Variants in TMEM127 observed in about 807,000 individuals in gnomAD.
The protein encoded by TMEM127 is transmembrane protein 127.
TMEM127 carries 21 observed loss-of-function variants against 20.1 expected under a neutral mutation model. That is an observed-to-expected ratio of 1.04 (90% CI 0.74 to 1.50). The LOEUF (loss-of-function observed/expected upper bound fraction) is 1.50. Among genes scored for constraint, TMEM127 ranks in the 40% most tolerant of loss-of-function variants. TMEM127 has a pLI of 0.00. For synonymous variants in TMEM127, 150 were observed against 144.7 expected, an observed-to-expected ratio of 1.04 and a Z score of -0.26; for missense variants, 303 against 317.4, an observed-to-expected ratio of 0.95 and a Z score of 0.34.
At chr2:96,258,824 T>G (rs1684259434) in intron 2 of TMEM127, among the ~76,000 whole-genome samples, 1 of 152,208 alleles carries the variant, frequency 6.6e-6, no homozygotes, top group Admixed American at 6.5e-5. Context: ...AGTGTTCTTA[T>G]AGTGCTTCCA....
At position 96,249,112 on chromosome 2, in the gene TMEM127, G is replaced by GTGTGTGTT. The variant is rs1684035663; in HGVS notation, c.*4695_*4696insAACACACA. Reference sequence around the variant, plus strand: ...GTGTGGTGTGTGTGTGTGTGTGTGTGTGTGTTTGAGATGGAGTCTCACTCT... The same window carrying GTGTGTGTT: ...GTGTGGTGTGTGTGTGTGTGTGTGTGTGTGTGTTTGTGTTTGAGATGGAGTCTCACTCT... On this transcript the variant is annotated 3_prime_UTR_variant, in exon 4 of 4. Transcript: ENST00000258439. The GTGTGTGTT allele has an allele frequency of 8.6e-6, 2 of 231,756 alleles. No individual in the cohort carries two copies. The highest frequency in any genetic ancestry group is 1.8e-4 in the South Asian group (1 of 5,514). 14.4% of individuals were successfully genotyped at this position (231,756 alleles called of 1,614,324 possible).
At chr2:96,265,685 G>C (rs1684407929) in intron 1 of TMEM127, among the ~76,000 whole-genome samples, 173 bp from the exon 2 acceptor site, 1 of 152,148 alleles carries the variant, frequency 6.6e-6, no homozygotes, top group South Asian at 2.1e-4. Context: ...GTGGGGGGCG[G>C]AGGGATCGGG....
At chr2:96,258,913 C>T (rs1371485010) in intron 2 of TMEM127, among the ~76,000 whole-genome samples, 2 of 152,136 alleles carry the variant, frequency 1.3e-5, no homozygotes, top group Non-Finnish European at 1.5e-5. Flanking sequence ...TGAGGCCAGG[C>T]AGTTGGAGTA....
At chr2:96,263,779 C>T (rs1197669695) in intron 2 of TMEM127, among the ~76,000 whole-genome samples, 3 of 152,044 alleles carry the variant, frequency 2.0e-5, no homozygotes, top group Admixed American at 6.5e-5. Flanking sequence ...TGCTAGATTT[C>T]GGAGATCTAG....
At chr2:96,264,723 T>C (rs377087641) in intron 2 of TMEM127, among the ~76,000 whole-genome samples, 1 of 152,230 alleles carries the variant, frequency 6.6e-6, no homozygotes, top group Non-Finnish European at 1.5e-5. Flanking sequence ...CCGATTACCA[T>C]AGAACTCTAA....
chr2:96,254,802 C>T (rs2104286704), intron 3 of TMEM127, 31 bp downstream of exon 3: 1 of 1,613,558 alleles, frequency 6.2e-7, no homozygotes. Context: ...GTAGCAGTTC[C>T]TCTCCCACTG....
intron 2 of TMEM127, among the ~76,000 whole-genome samples, chr2:96,259,214 G>T (rs1322459200): frequency 6.6e-6 from 1 of 152,228 alleles, no homozygotes; most frequent in Admixed American, 6.5e-5. Flanking sequence ...CACACAGATG[G>T]GTGAAGTGCC....
At position 96,253,822 on chromosome 2, in the gene TMEM127, C is replaced by T. The variant is rs756910411; in HGVS notation, c.703G>A (p.Ala235Thr). ...CAGGGCTGGCATTAGGGTGTGTAAG[C>T]AGGGGGTGGCTGGAACTGGTTGATG... The part of the protein sequence containing the change: ...EVINQFQPPP[A>T]YTP The change falls in exon 4 of 4, where the codon GCT becomes ACT. Residue 235 changes from alanine (A) to threonine (T), a missense_variant. Transcript: ENST00000258439. This position sits in a 1 kb window ranked among gnomAD's most constrained non-coding sequence, Gnocchi z 4.3. The T allele has an allele frequency of 6.2e-7, 1 of 1,610,348 alleles. No homozygotes were observed. Among genetic ancestry groups the T allele is most frequent in the African/African-American group, 1.3e-5 (1 of 74,820 alleles).
rs1187661049 is a variant in TMEM127 at position 96,265,194 on chromosome 2, C to A, written c.188G>T (p.Arg63Leu). Reference protein sequence around the residue: ...WLHIHGGTCSRQELGVSDVLG... With the variant: ...WLHIHGGTCSLQELGVSDVLG... ...CACGTCGGAGACCCCCAGCTCCTGG[C>A]GCGAACAGGTGCCTCCGTGGATGTG... The change falls in exon 2 of 4, where the codon CGC becomes CTC. Residue 63 changes from arginine to leucine, a missense_variant. Transcript: ENST00000258439. 1.2e-6 allele frequency: 2 copies of A among 1,609,060 alleles called. No homozygotes were observed. Among genetic ancestry groups the A allele is most frequent in the Non-Finnish European group, 1.7e-6 (2 of 1,178,870 alleles).
chr2:96,250,608 CAA>C lies in TMEM127; in HGVS notation c.*3198_*3199del, dbSNP rs958123904. 14 of 233,010 alleles carry C rather than the reference CAA, an allele frequency of 6.0e-5. No homozygotes were observed. The highest frequency in any genetic ancestry group is 2.9e-4 in the African/African-American group (13 of 45,456). The allele number at this position is 233,010 out of a possible 1,614,324, so 14.4% of individuals were successfully genotyped here. A position where few individuals can be genotyped will look rare whatever the true frequency, so the allele number is the denominator to read the frequency against. On this transcript the variant is annotated 3_prime_UTR_variant, in exon 4 of 4. Transcript: ENST00000258439. ...AGATGTGTATTCTCCCTAACAACAA[CAA>C]AAGAGACCTAAATGGGCTGCTCCCT...
Position 96,265,480 on chromosome 2 carries a change from T to A in TMEM127, c.-99A>T. Reference sequence around the variant, plus strand: ...ACAGTCCGGTGGAGGATAGCAACGCTCCGGGTTCGCTGCAGGTGAAGCCGG... The same window carrying A: ...ACAGTCCGGTGGAGGATAGCAACGCACCGGGTTCGCTGCAGGTGAAGCCGG... On this transcript the variant is annotated 5_prime_UTR_variant, in exon 2 of 4. Transcript: ENST00000258439. 1 of 1,266,452 alleles carries A rather than the reference T, an allele frequency of 7.9e-7. No homozygotes were observed. Among genetic ancestry groups the A allele is most frequent in the Non-Finnish European group, 9.9e-7 (1 of 1,008,526 alleles). 78.5% of individuals were successfully genotyped at this position (1,266,452 alleles called of 1,614,324 possible).
At chr2:96,257,898 G>C (rs1278159473) in intron 2 of TMEM127, among the ~76,000 whole-genome samples, 4 of 149,508 alleles carry the variant, frequency 2.7e-5, no homozygotes, top group Non-Finnish European at 3.0e-5. Context: ...CTTGGTGACA[G>C]AGTGACTCCG....
chr2:96,260,211 C>T (rs185393635), intron 2 of TMEM127, among the ~76,000 whole-genome samples: 5 of 152,298 alleles, frequency 3.3e-5, no homozygotes, highest in South Asian at 2.1e-4. Context: ...CAGAGCACAC[C>T]GGAAGAACAG....
intron 2 of TMEM127, among the ~76,000 whole-genome samples, chr2:96,264,660 C>T (rs562246657): frequency 6.6e-6 from 1 of 152,344 alleles, no homozygotes; most frequent in Admixed American, 6.5e-5. Flanking sequence ...GGCAATGGAA[C>T]GGTCTTCCGA....
chr2:96,265,435 C>A lies in TMEM127; in HGVS notation c.-54G>T. ...GTCGCTGCTGGTCGCCGCCGACCTC[C>A]GCGGGGCGCGCAGAGCCTGACAGTC... On this transcript the variant is annotated 5_prime_UTR_variant, in exon 2 of 4. Coordinates refer to ENST00000258439, the MANE Select transcript of TMEM127 (RefSeq NM_017849.4). 7.6e-7 allele frequency: 1 copy of A among 1,310,222 alleles called. No homozygotes were observed. The allele number at this position is 1,310,222 out of a possible 1,614,324, so 81.2% of individuals were successfully genotyped here. A position where few individuals can be genotyped will look rare whatever the true frequency, so the allele number is the denominator to read the frequency against.
At position 96,251,585 on chromosome 2, in the gene TMEM127, G is replaced by A. The variant is rs1029651947; in HGVS notation, c.*2223C>T. On this transcript the variant is annotated 3_prime_UTR_variant, in exon 4 of 4. Transcript: ENST00000258439. ...ACATCTCCTGCTTCTCTGAGACAAA[G>A]GGAACAAACCAAATCAGGAAAATCG... The A allele has an allele frequency of 1.7e-5, 4 of 232,852 alleles. No homozygotes were observed. The highest frequency in any genetic ancestry group is 6.6e-5 in the African/African-American group (3 of 45,298). The allele number at this position is 232,852 out of a possible 1,614,324, so 14.4% of individuals were successfully genotyped here. A position where few individuals can be genotyped will look rare whatever the true frequency, so the allele number is the denominator to read the frequency against.
At chr2:96,264,872 C>T (rs1684381517) in intron 2 of TMEM127, among the ~76,000 whole-genome samples, 1 of 152,188 alleles carries the variant, frequency 6.6e-6, no homozygotes, top group Admixed American at 6.5e-5. Flanking sequence ...TATCTTTTCT[C>T]GATACACAGC....
Position 96,253,791 on chromosome 2 carries a change from A to G in TMEM127, c.*17T>C. ...GTTGAGGGAGGGGCTGCCGAGGAAG[A>G]GAGCCCAGGGCTGGCATTAGGGTGT... On this transcript the variant is annotated 3_prime_UTR_variant, in exon 4 of 4. Coordinates refer to ENST00000258439, the MANE Select transcript of TMEM127 (RefSeq NM_017849.4). The surrounding 1 kb of genome is among the most constrained non-coding windows in gnomAD (Gnocchi z 4.3). 1 of 1,597,408 alleles carries G rather than the reference A, an allele frequency of 6.3e-7. No individual in the cohort carries two copies. Among genetic ancestry groups the G allele is most frequent in the Non-Finnish European group, 8.6e-7 (1 of 1,168,158 alleles).
In TMEM127 at chr2:96,265,302, G is replaced by T; in HGVS notation, c.80C>A (p.Pro27Gln). The change falls in exon 2 of 4, where the codon CCG becomes CAG. Residue 27 changes from proline to glutamine, a missense_variant. Coordinates refer to ENST00000258439, the MANE Select transcript of TMEM127 (RefSeq NM_017849.4). The stretch of plus-strand genomic sequence containing the variant: ...CAGGGCCGAGGCCAGGCTACGCTCC[G>T]GCTGCTTGGGCAGAGCGCTGCCTCC... ...SPGGSALPKQ[P>Q]ERSLASALPG... 1 of 1,544,026 alleles carries T rather than the reference G, an allele frequency of 6.5e-7. No homozygotes were observed. Among genetic ancestry groups the T allele is most frequent in the South Asian group, 1.2e-5 (1 of 84,732 alleles).
Sources: gnomAD v4.1 joint callset for allele counts (sites outside exome capture counted in the v4.1 genomes callset) on GRCh38, gnomAD v4.1.1 for gene constraint, Gnocchi (gnomAD v3.1) non-coding constraint, MANE v1.5 for transcripts, NCBI Gene and HGNC (gene_info 2026-07-23, HGNC 2026-07-21) for gene names.